OPHN1: variants seen among roughly 807,000 people sequenced by gnomAD.
OPHN1 encodes oligophrenin 1.
In OPHN1, 11 loss-of-function variants were observed where a neutral mutation model predicts 60.7. That is an observed-to-expected ratio of 0.18 (90% CI 0.11 to 0.30). The LOEUF is 0.30. Among genes scored for constraint, OPHN1 ranks in the 10% least tolerant of loss-of-function variants. The pLI is 1.00. For missense variants in OPHN1, 449 were observed against 611.0 expected (o/e 0.73, Z 2.80); for synonymous variants, 226 against 222.6 (o/e 1.02, Z -0.14).
chrX:68,082,123 G>A lies in OPHN1; in HGVS notation c.1687-8824C>T, dbSNP rs149099084. On this transcript the variant is annotated intron_variant, in intron 19 of 24. Coordinates refer to ENST00000355520, the MANE Select transcript of OPHN1 (RefSeq NM_002547.3). Reference sequence around the variant, plus strand: ...CCTCATATGGCAGCAATTCAGTCACGTCTTCAGGCTCCACTTCTAATTCTA... The same window carrying A: ...CCTCATATGGCAGCAATTCAGTCACATCTTCAGGCTCCACTTCTAATTCTA... 8.0e-3 allele frequency among the ~76,000 whole-genome samples: 895 copies of A among 111,700 alleles called. 6 individuals carry two copies. The highest frequency in any genetic ancestry group is 0.028 in the African/African-American group (862 of 30,763).
chrX:68,331,226 ATGTAT>A (rs1446917626), intron 2 of OPHN1, among the ~76,000 whole-genome samples: 3 of 106,660 alleles, frequency 2.8e-5, no homozygotes, highest in East Asian at 5.6e-4. Flanking sequence ...TATAATTATA[ATGTAT>A]TGTATTAATT....
chrX:68,189,537 G>T (rs1292613653), intron 15 of OPHN1, among the ~76,000 whole-genome samples: 2 of 103,654 alleles, frequency 1.9e-5, no homozygotes, highest in African/African-American at 3.6e-5. Context: ...CCCAGTGTGT[G>T]ATGTTCCCCT....
At chrX:68,265,006 T>C (rs2077915775) in intron 5 of OPHN1, among the ~76,000 whole-genome samples, 1 of 112,218 alleles carries the variant, frequency 8.9e-6, no homozygotes, top group East Asian at 2.8e-4. Context: ...GCCCCTATGC[T>C]TGAGTAGGTA....
intron 6 of OPHN1, among the ~76,000 whole-genome samples, chrX:68,218,819 A>C (rs1198689618): frequency 5.3e-5 from 5 of 93,484 alleles, no homozygotes; most frequent in African/African-American, 1.9e-4. Context: ...CAGCCGCTGC[A>C]AAATCATGCC....
At chrX:68,071,380 CCTT>C (rs2076933938) in intron 20 of OPHN1, 3 of 714,143 alleles carry the variant, frequency 4.2e-6, no homozygotes, top group Admixed American at 2.2e-5. Context: ...TTTTCCCTTC[CCTT>C]CTTCTTCCAC....
At chrX:68,138,640 A>C (rs1868640471) in intron 15 of OPHN1, among the ~76,000 whole-genome samples, 1 of 112,422 alleles carries the variant, frequency 8.9e-6, no homozygotes, top group African/African-American at 3.2e-5. Context: ...ATAGTACCAC[A>C]ATAGTTAATG....
intron 2 of OPHN1, among the ~76,000 whole-genome samples, chrX:68,393,812 G>C (rs1440441992): frequency 1.9e-5 from 2 of 105,138 alleles, no homozygotes; most frequent in East Asian, 6.2e-4. Flanking sequence ...AAATGTACCT[G>C]GGTGTCAAGC....
intron 5 of OPHN1, among the ~76,000 whole-genome samples, chrX:68,235,683 CA>C (rs1228217911): frequency 0.023 from 1,767 of 76,904 alleles, 33 homozygotes; most frequent in African/African-American, 0.069. Flanking sequence ...ACTAAAAATA[CA>C]AAAAAAAAAA....
At chrX:68,048,652 G>C (rs967763612) in intron 23 of OPHN1, among the ~76,000 whole-genome samples, 195 bp from the exon 24 acceptor site, 1 of 112,178 alleles carries the variant, frequency 8.9e-6, no homozygotes, top group Non-Finnish European at 1.9e-5. Context: ...GGCTTAAAGA[G>C]ATGTGAAGAC....
At chrX:68,353,877 A>G (rs1354887615) in intron 2 of OPHN1, among the ~76,000 whole-genome samples, 1 of 111,625 alleles carries the variant, frequency 9.0e-6, no homozygotes, top group African/African-American at 3.3e-5. Context: ...AATATTGTAA[A>G]AAGTTAGTAC....
intron 15 of OPHN1, among the ~76,000 whole-genome samples, chrX:68,152,805 C>A (rs746678065): frequency 1.8e-5 from 2 of 111,344 alleles, no homozygotes; most frequent in African/African-American, 3.3e-5. Context: ...TAGCTCCTTA[C>A]GGTCAGCAAG....
chrX:68,411,781 C>A (rs1348780977), intron 2 of OPHN1, among the ~76,000 whole-genome samples: 1 of 111,590 alleles, frequency 9.0e-6, no homozygotes, highest in Non-Finnish European at 1.9e-5. Flanking sequence ...TAATTAGGTC[C>A]CATTTGTCAA....
At chrX:68,311,824 A>G (rs1038783797) in intron 2 of OPHN1, among the ~76,000 whole-genome samples, 2 of 111,793 alleles carry the variant, frequency 1.8e-5, no homozygotes, top group Admixed American at 9.6e-5. Flanking sequence ...ACAGAAGATC[A>G]GTAAGGAATT....
chrX:68,259,461 T>C (rs1217621727), intron 5 of OPHN1, among the ~76,000 whole-genome samples: 2 of 111,039 alleles, frequency 1.8e-5, no homozygotes, highest in Non-Finnish European at 3.8e-5. Context: ...AAAAAAAAGA[T>C]AATTGTTTAA....
intron 6 of OPHN1, among the ~76,000 whole-genome samples, chrX:68,214,468 A>G (rs1366875035): frequency 8.9e-6 from 1 of 112,188 alleles, no homozygotes; most frequent in Non-Finnish European, 1.9e-5. Context: ...ATGATGCCAG[A>G]GAAAATTTTA....
chrX:68,159,715 T>C (rs1257397907), intron 15 of OPHN1, among the ~76,000 whole-genome samples: 2 of 111,371 alleles, frequency 1.8e-5, no homozygotes, highest in Non-Finnish European at 3.8e-5. Context: ...AAATTTAACA[T>C]CTGAAAGAAA....
intron 2 of OPHN1, among the ~76,000 whole-genome samples, chrX:68,314,296 TG>T (rs1327131301): frequency 4.3e-4 from 47 of 109,311 alleles, no homozygotes; most frequent in African/African-American, 1.5e-3. Context: ...CTGAGGCGGG[TG>T]GATCACTTGA....
chrX:68,406,359 C>A (rs2078743237), intron 2 of OPHN1, among the ~76,000 whole-genome samples: 1 of 111,343 alleles, frequency 9.0e-6, no homozygotes, highest in Admixed American at 9.6e-5. Flanking sequence ...CGCCTGTAAT[C>A]CCAGCACTTT....
At chrX:68,382,381 G>A (rs2147744469) in intron 2 of OPHN1, among the ~76,000 whole-genome samples, 1 of 110,896 alleles carries the variant, frequency 9.0e-6, no homozygotes, top group Non-Finnish European at 1.9e-5. Context: ...AAAATAAAAT[G>A]CTATGGCACC....
Sources: gnomAD v4.1 joint callset for allele counts (sites outside exome capture counted in the v4.1 genomes callset) on GRCh38, gnomAD v4.1.1 for gene constraint, MANE v1.5 for transcripts, NCBI Gene and HGNC (gene_info 2026-07-23, HGNC 2026-07-21) for gene names.